CAMK1D: variants seen among roughly 807,000 people sequenced by gnomAD.
CAMK1D encodes the protein calcium/calmodulin dependent protein kinase ID.
CAMK1D carries 9 observed loss-of-function variants against 47.7 expected under a neutral mutation model. That is an observed-to-expected ratio of 0.19 (90% CI 0.11 to 0.33). The LOEUF (loss-of-function observed/expected upper bound fraction) is 0.33. Ranked by LOEUF, CAMK1D falls within the 10% of genes least tolerant of loss-of-function variation. The pLI, the probability that CAMK1D is intolerant of heterozygous loss-of-function variation, is 1.00. For synonymous variants in CAMK1D, 184 were observed against 184.9 expected (o/e 0.99, Z 0.04); for missense variants, 291 against 488.7 (o/e 0.60, Z 3.81).
intron 2 of CAMK1D, among the ~76,000 whole-genome samples, chr10:12,635,761 G>A (rs887947739): frequency 1.1e-4 from 16 of 150,948 alleles, no homozygotes; most frequent in African/African-American, 3.9e-4. Flanking sequence ...ATCTTATAAT[G>A]ATTAATTCTT....
chr10:12,662,005 A>G (rs1840286799), intron 2 of CAMK1D, among the ~76,000 whole-genome samples: 1 of 152,204 alleles, frequency 6.6e-6, no homozygotes, highest in African/African-American at 2.4e-5. Flanking sequence ...ATGGGATGGT[A>G]AAACACAGGC....
At chr10:12,580,209 A>G (rs1837619329) in intron 2 of CAMK1D, among the ~76,000 whole-genome samples, 1 of 152,100 alleles carries the variant, frequency 6.6e-6, no homozygotes, top group African/African-American at 2.4e-5. Context: ...GTCTTGAGAT[A>G]ATTCTTAAGG....
chr10:12,634,204 G>A (rs1374780561), intron 2 of CAMK1D, among the ~76,000 whole-genome samples: 2 of 152,200 alleles, frequency 1.3e-5, no homozygotes, highest in African/African-American at 4.8e-5. Context: ...TAATTTCTTT[G>A]CAGGTCCTTG....
chr10:12,743,547 A>G (rs1391965234), intron 3 of CAMK1D, among the ~76,000 whole-genome samples: 4 of 152,182 alleles, frequency 2.6e-5, no homozygotes. Context: ...TCACCCTTTC[A>G]AGTTGTACAA....
intron 1 of CAMK1D, among the ~76,000 whole-genome samples, chr10:12,551,890 C>T (rs74116984): frequency 0.036 from 5,466 of 152,302 alleles, 332 homozygotes; most frequent in African/African-American, 0.12. Context: ...AAGGTAGGGC[C>T]TGAAGACCTG....
At chr10:12,764,463 C>G (rs182949302) in intron 4 of CAMK1D, among the ~76,000 whole-genome samples, 10 of 147,736 alleles carry the variant, frequency 6.8e-5, no homozygotes, top group Admixed American at 2.0e-4. Context: ...GTCTTCAAAA[C>G]AGCATTTTAT....
At chr10:12,644,614 A>G (rs891164844) in intron 2 of CAMK1D, among the ~76,000 whole-genome samples, 3 of 152,144 alleles carry the variant, frequency 2.0e-5, no homozygotes, top group Non-Finnish European at 4.4e-5. Flanking sequence ...GCTCTTAGTC[A>G]TCTGGGCTTT....
chr10:12,397,353 A>T, intron 1 of CAMK1D, among the ~76,000 whole-genome samples: 1 of 152,080 alleles, frequency 6.6e-6, no homozygotes. Context: ...GGAGCCTTCT[A>T]AGGTAGCCCT....
At chr10:12,821,615 T>C (rs1833013757) in intron 8 of CAMK1D, among the ~76,000 whole-genome samples, 1 of 152,206 alleles carries the variant, frequency 6.6e-6, no homozygotes, top group Non-Finnish European at 1.5e-5. Flanking sequence ...GAGTGGTGGA[T>C]AGTGAGACAG....
At position 12,563,226 on chromosome 10, in the gene CAMK1D, G is replaced by A. The variant is rs142033281; in HGVS notation, c.224+9870G>A. 1.9e-4 allele frequency among the ~76,000 whole-genome samples: 29 copies of A among 152,268 alleles called. No individual in the cohort carries two copies. The East Asian group carries it at 4.4e-3, about 23-fold the overall frequency. The stretch of plus-strand genomic sequence containing the variant: ...AGAGAAAAACCAGGTGTAGCGGCAC[G>A]CACCTATACCTGCAGCTACTTGGGA... On this transcript the variant is annotated intron_variant, in intron 2 of 10. Transcript: ENST00000619168.
intron 1 of CAMK1D, among the ~76,000 whole-genome samples, chr10:12,540,149 C>T (rs1836120674): frequency 6.7e-6 from 1 of 149,680 alleles, no homozygotes; most frequent in African/African-American, 2.5e-5. Flanking sequence ...AGGCTGGTCT[C>T]CAACTCCTGG....
At chr10:12,570,395 G>C (rs1190222732) in intron 2 of CAMK1D, among the ~76,000 whole-genome samples, 2 of 151,182 alleles carry the variant, frequency 1.3e-5, no homozygotes, top group African/African-American at 4.9e-5. Context: ...AGATCTATGA[G>C]GGGCTGGGCG....
At chr10:12,741,144 G>A (rs952356328) in intron 3 of CAMK1D, among the ~76,000 whole-genome samples, 3 of 152,108 alleles carry the variant, frequency 2.0e-5, no homozygotes, top group Non-Finnish European at 4.4e-5. Context: ...TCTAGCAGAG[G>A]GTGCAAGTGT....
chr10:12,790,131 A>G (rs1391915204), intron 5 of CAMK1D, among the ~76,000 whole-genome samples: 2 of 152,274 alleles, frequency 1.3e-5, no homozygotes, highest in African/African-American at 4.8e-5. Context: ...AACAGGGAAT[A>G]CAGAGCAAGC....
At chr10:12,788,944 G>A (rs145044830) in intron 5 of CAMK1D, among the ~76,000 whole-genome samples, 1 of 152,314 alleles carries the variant, frequency 6.6e-6, no homozygotes, top group East Asian at 1.9e-4. Flanking sequence ...GAAAGTTTGG[G>A]GGCGTTGCAG....
chr10:12,710,319 T>C (rs1470730821), intron 3 of CAMK1D, among the ~76,000 whole-genome samples: 4 of 152,104 alleles, frequency 2.6e-5, no homozygotes, highest in Non-Finnish European at 1.5e-5. Flanking sequence ...GCCACCAGAG[T>C]ATTTCTGGAC....
At chr10:12,446,914 T>G (rs1422632169) in intron 1 of CAMK1D, among the ~76,000 whole-genome samples, 1 of 152,172 alleles carries the variant, frequency 6.6e-6, no homozygotes, top group Non-Finnish European at 1.5e-5. Context: ...ATGAGATACC[T>G]TAAATTGGGC....
At position 12,791,252 on chromosome 10, in the gene CAMK1D, C is replaced by T. The variant is rs778382442; in HGVS notation, c.641+19C>T. ...ACATCTTGTAAGTACTGCCTGCTGC[C>T]TTGGGTTCTTCCTCTACCGGCCTTT... On this transcript the variant is annotated intron_variant, in intron 6 of 10. Coordinates refer to ENST00000619168, the MANE Select transcript of CAMK1D (RefSeq NM_153498.4). 5.0e-6 allele frequency: 8 copies of T among 1,608,836 alleles called. No individual in the cohort carries two copies. The highest frequency in any genetic ancestry group is 6.8e-6 in the Non-Finnish European group (8 of 1,177,092).
At chr10:12,392,980 C>T (rs1399177639) in intron 1 of CAMK1D, among the ~76,000 whole-genome samples, 1 of 151,860 alleles carries the variant, frequency 6.6e-6, no homozygotes, top group Non-Finnish European at 1.5e-5. Flanking sequence ...AGGTTCTTAG[C>T]TACAACTGAC....
Sources: gnomAD v4.1 joint callset for allele counts (sites outside exome capture counted in the v4.1 genomes callset) on GRCh38, gnomAD v4.1.1 for gene constraint, MANE v1.5 for transcripts, NCBI Gene and HGNC (gene_info 2026-07-23, HGNC 2026-07-21) for gene names.